Variants in ZNF451 observed in about 807,000 individuals in gnomAD.
ZNF451 encodes zinc finger protein 451.
Under a neutral mutation model 107.1 loss-of-function variants are expected in ZNF451, and 80 were observed. That is an observed-to-expected ratio of 0.75 (90% CI 0.62 to 0.90). The LOEUF (loss-of-function observed/expected upper bound fraction) is 0.90, where lower values mean the gene tolerates loss of function less well. Among genes scored for constraint, ZNF451 ranks in the 40% least tolerant of loss-of-function variants. ZNF451 has a pLI of 0.00. For missense variants in ZNF451, 1,107 were observed against 1,236.2 expected, an observed-to-expected ratio of 0.90 and a Z score of 1.57; for synonymous variants, 362 against 406.5, an observed-to-expected ratio of 0.89 and a Z score of 1.32.
chr6:57,100,359 C>A (rs1215533804), intron 3 of ZNF451, among the ~76,000 whole-genome samples: 1 of 152,118 alleles, frequency 6.6e-6, no homozygotes, highest in African/African-American at 2.4e-5. Context: ...TCTCCTTTTT[C>A]ATAAACAGAG....
At chr6:57,159,958 C>A (rs984113455) in intron 13 of ZNF451, among the ~76,000 whole-genome samples, 2 of 151,948 alleles carry the variant, frequency 1.3e-5, no homozygotes, top group Non-Finnish European at 2.9e-5. Context: ...TATATAGATG[C>A]ATATCTGTTT....
intron 9 of ZNF451, among the ~76,000 whole-genome samples, chr6:57,145,127 C>T (rs975436865): frequency 1.3e-5 from 2 of 151,692 alleles, no homozygotes. Context: ...CAGGTCTGTT[C>T]TCTCTGGAGT....
chr6:57,139,061 A>G (rs899751404), intron 7 of ZNF451, among the ~76,000 whole-genome samples: 2 of 152,072 alleles, frequency 1.3e-5, no homozygotes, highest in African/African-American at 2.4e-5. Flanking sequence ...GGGTTCTTCA[A>G]GTAGGAGAAA....
chr6:57,155,534 C>T (rs1763378709), intron 13 of ZNF451, among the ~76,000 whole-genome samples: 1 of 152,170 alleles, frequency 6.6e-6, no homozygotes, highest in Admixed American at 6.5e-5. Context: ...ATCGCTTTCC[C>T]AGTTCTCAAC....
chr6:57,113,111 G>A (rs1439634045), intron 3 of ZNF451, among the ~76,000 whole-genome samples: 1 of 152,030 alleles, frequency 6.6e-6, no homozygotes, highest in Non-Finnish European at 1.5e-5. Context: ...TACTAAGCGT[G>A]GTAACCGATT....
intron 14 of ZNF451, chr6:57,165,529 C>T (rs573218997): frequency 1.3e-4 from 19 of 151,006 alleles, no homozygotes; most frequent in Middle Eastern, 6.8e-3. Context: ...AATTTGCTGA[C>T]TCTTCTTTGT....
chr6:57,093,021 A>T lies in ZNF451; in HGVS notation c.105+2127A>T, dbSNP rs554420748. On this transcript the variant is annotated intron_variant, in intron 2 of 14. Transcript: ENST00000370706. ...AAACAGCGCCTAAATCAAGAAACAG[A>T]ATGCTGCCATAACAAAAACTTCTTA... is the stretch of plus-strand genomic sequence containing the variant. 2.0e-5 allele frequency: 3 copies of T among 152,328 alleles called. No homozygotes were observed. In the South Asian group the frequency reaches 6.2e-4, roughly 32 times the overall value. The allele number at this position is 152,328 out of a possible 1,614,324, so 9.4% of individuals were successfully genotyped here. A position where few individuals can be genotyped will look rare whatever the true frequency, so the allele number is the denominator to read the frequency against.
chr6:57,150,614 G>A, intron 10 of ZNF451, 105 bp from the exon 11 acceptor site: 4 of 1,125,122 alleles, frequency 3.6e-6, no homozygotes, highest in Non-Finnish European at 3.8e-6. Flanking sequence ...TAACATTCAA[G>A]GTTAGTATTT....
At chr6:57,100,689 T>C (rs150711198) in intron 3 of ZNF451, 7 of 1,550,414 alleles carry the variant, frequency 4.5e-6, no homozygotes, top group East Asian at 2.4e-5. Context: ...CCATTGGAGA[T>C]AGCAGCTCCT....
intron 5 of ZNF451, among the ~76,000 whole-genome samples, chr6:57,131,018 C>T (rs572295832): frequency 2.0e-5 from 3 of 152,160 alleles, no homozygotes; most frequent in African/African-American, 7.2e-5. Flanking sequence ...GTGCTGAGAT[C>T]CTTTAAGAGC....
chr6:57,102,263 A>G (rs1234754829), intron 3 of ZNF451: 3 of 1,348,484 alleles, frequency 2.2e-6, no homozygotes, highest in Non-Finnish European at 1.9e-6. Context: ...AATGAAGTAT[A>G]TAATAAAGAA....
chr6:57,139,408 A>T (rs1831639385), intron 7 of ZNF451, among the ~76,000 whole-genome samples: 1 of 152,136 alleles, frequency 6.6e-6, no homozygotes, highest in African/African-American at 2.4e-5. Flanking sequence ...AAGTAGGTAA[A>T]CATATTTAGA....
At chr6:57,101,911 A>G (rs919081842) in intron 3 of ZNF451, 3 of 1,550,474 alleles carry the variant, frequency 1.9e-6, no homozygotes, top group Non-Finnish European at 2.6e-6. Context: ...AGACAACAAT[A>G]TAAAAGAAAA....
chr6:57,132,415 A>C (rs769157160), intron 5 of ZNF451, among the ~76,000 whole-genome samples: 8 of 152,188 alleles, frequency 5.3e-5, no homozygotes, highest in Non-Finnish European at 1.2e-4. Context: ...AAAAGAGAAA[A>C]TAAGAATTAG....
chr6:57,113,375 C>T (rs1378910203), intron 3 of ZNF451, among the ~76,000 whole-genome samples: 2 of 151,312 alleles, frequency 1.3e-5, no homozygotes, highest in Non-Finnish European at 2.9e-5. Context: ...TTTTCTTTAC[C>T]TAGTCCTGCT....
intron 4 of ZNF451, among the ~76,000 whole-genome samples, chr6:57,126,226 T>G (rs1593123991): frequency 6.6e-6 from 1 of 152,196 alleles, no homozygotes; most frequent in Non-Finnish European, 1.5e-5. Flanking sequence ...TTGAAATTTT[T>G]AATTTTTTGT....
intron 12 of ZNF451, among the ~76,000 whole-genome samples, 197 bp from the exon 13 acceptor site, chr6:57,153,664 T>A (rs144265280): frequency 6.8e-4 from 104 of 152,162 alleles, no homozygotes; most frequent in African/African-American, 1.9e-3. Context: ...CCACCTGCTT[T>A]AGCCTCCCAA....
At chr6:57,103,508 T>C in intron 3 of ZNF451, 2 of 985,354 alleles carry the variant, frequency 2.0e-6, no homozygotes, top group Non-Finnish European at 2.4e-6. Flanking sequence ...ATCTTCTCTT[T>C]AGACTCAAGG....
At chr6:57,096,660 A>AG (rs1446627309) in intron 2 of ZNF451, among the ~76,000 whole-genome samples, 1 of 151,406 alleles carries the variant, frequency 6.6e-6, no homozygotes, top group Non-Finnish European at 1.5e-5. Context: ...CCTATAATGA[A>AG]GGTTCCTAAT....
Sources: allele counts gnomAD v4.1 joint callset (sites outside exome capture counted in the v4.1 genomes callset), GRCh38; gene constraint gnomAD v4.1.1; transcripts MANE v1.5; gene names NCBI Gene and HGNC (gene_info 2026-07-23, HGNC 2026-07-21).